Variants in SLC16A12 observed in about 807,000 individuals in gnomAD.
SLC16A12 encodes monocarboxylate transporter 12.
SLC16A12 carries 17 observed loss-of-function variants against 42.4 expected under a neutral mutation model. That is an observed-to-expected ratio of 0.40 (90% CI 0.27 to 0.60). SLC16A12 has a LOEUF of 0.60. Among genes scored for constraint, SLC16A12 ranks in the 20% least tolerant of loss-of-function variants. SLC16A12 has a pLI of 0.42. For missense variants in SLC16A12, 544 were observed against 623.0 expected (o/e 0.87, Z 1.35); for synonymous variants, 224 against 229.4 (o/e 0.98, Z 0.21).
intron 2 of SLC16A12, among the ~76,000 whole-genome samples, chr10:89,505,019 T>C (rs1437662191): frequency 6.6e-6 from 1 of 152,136 alleles, no homozygotes; most frequent in Non-Finnish European, 1.5e-5. Context: ...AACCTCTGAA[T>C]TGATACAGCT....
At chr10:89,440,427 G>A (rs1030571712) in intron 5 of SLC16A12, among the ~76,000 whole-genome samples, 10 of 152,158 alleles carry the variant, frequency 6.6e-5, no homozygotes, top group Middle Eastern at 3.2e-3. Context: ...ATGAGGTTAC[G>A]TCCTTTATTG....
chr10:89,554,789 C>A (rs1287360085), intron 2 of SLC16A12, among the ~76,000 whole-genome samples: 1 of 152,210 alleles, frequency 6.6e-6, no homozygotes, highest in Non-Finnish European at 1.5e-5. Flanking sequence ...CAGGCCCCAG[C>A]TGGCCTACTT....
At chr10:89,554,076 G>A (rs1843789405) in intron 2 of SLC16A12, among the ~76,000 whole-genome samples, 1 of 112,342 alleles carries the variant, frequency 8.9e-6, no homozygotes, top group Non-Finnish European at 1.9e-5. Flanking sequence ...AAGAAAGAAA[G>A]AAAGAAAGAA....
At chr10:89,516,954 G>A (rs192070727) in intron 2 of SLC16A12, among the ~76,000 whole-genome samples, 1 of 152,324 alleles carries the variant, frequency 6.6e-6, no homozygotes, top group Non-Finnish European at 1.5e-5. Context: ...CAGGCATGAT[G>A]GCTCATACCT....
At chr10:89,528,014 C>T (rs985774855) in intron 2 of SLC16A12, among the ~76,000 whole-genome samples, 16 of 152,204 alleles carry the variant, frequency 1.1e-4, no homozygotes, top group Non-Finnish European at 2.2e-4. Context: ...ATCTTTCTTA[C>T]GTAAGAGTCC....
chr10:89,444,114 C>A (rs143076774), intron 3 of SLC16A12, among the ~76,000 whole-genome samples: 1 of 152,110 alleles, frequency 6.6e-6, no homozygotes, highest in Non-Finnish European at 1.5e-5. Context: ...TTTATGGAAA[C>A]AAAAGCAGGT....
In SLC16A12 at chr10:89,462,444, T is replaced by G. The variant is rs1225829251; in HGVS notation, c.135A>C (p.Gly45=). The change falls in exon 3 of 8, where the codon GGA becomes GGC. Residue 45 remains glycine (G), a synonymous_variant. Coordinates refer to ENST00000371790, the MANE Select transcript of SLC16A12 (RefSeq NM_213606.4). ...NRARSTSPPD[G]GWGWMIVAGC... ...CAGCCACAATCATCCAGCCCCAGCC[T>G]CCATCTGGAGGGGAGGTAGACCGAG... 6.2e-7 allele frequency: 1 copy of G among 1,614,064 alleles called. No homozygotes were observed. Among genetic ancestry groups the G allele is most frequent in the Admixed American group, 1.7e-5 (1 of 60,002 alleles).
chr10:89,430,463 T>G lies in SLC16A12; in HGVS notation c.*2601A>C. On this transcript the variant is annotated 3_prime_UTR_variant, in exon 8 of 8. Transcript: ENST00000371790. The stretch of plus-strand genomic sequence containing the variant: ...ATTTTCTACTCAGATAATTCCAAAG[T>G]AGAGCTTACAGTAGTAGAAAGAAAT... 8.4e-6 allele frequency: 3 copies of G among 356,332 alleles called. No homozygotes were observed. The highest frequency in any genetic ancestry group is 1.6e-5 in the Non-Finnish European group (3 of 182,562). 22.1% of individuals were successfully genotyped at this position (356,332 alleles called of 1,614,324 possible). A position where few individuals can be genotyped will look rare whatever the true frequency, so the allele number is the denominator to read the frequency against.
intron 2 of SLC16A12, among the ~76,000 whole-genome samples, chr10:89,495,497 A>G (rs1305405747): frequency 6.6e-6 from 1 of 152,250 alleles, no homozygotes; most frequent in African/African-American, 2.4e-5. Flanking sequence ...CTCAGAAACT[A>G]CAGATGCTCC....
Position 89,555,567 on chromosome 10 carries a change from GTATATGTATATGTA to G in SLC16A12, c.-47+301_-47+314del, listed in dbSNP as rs1293732963. Reference sequence around the variant, plus strand: ...TGTATATACGTATATATACATATACGTATATGTATATGTATATATGTATATATACACATATATAC... The same window carrying G: ...TGTATATACGTATATATACATATACGTATATGTATATATACACATATATAC... On this transcript the variant is annotated intron_variant, in intron 2 of 2. Transcript: ENST00000475682. Among the ~76,000 whole-genome samples the G allele has an allele frequency of 1.5e-4, 14 of 91,762 alleles. No individual in the cohort carries two copies. In the East Asian group the frequency reaches 3.4e-3, roughly 23 times the overall value. 60.2% of individuals were successfully genotyped at this position (91,762 alleles called of 152,430 possible). A position where few individuals can be genotyped will look rare whatever the true frequency, so the allele number is the denominator to read the frequency against.
intron 2 of SLC16A12, among the ~76,000 whole-genome samples, chr10:89,553,688 G>A (rs12765829): frequency 0.095 from 14,378 of 152,104 alleles, 733 homozygotes; most frequent in Non-Finnish European, 0.11. Flanking sequence ...AGATCAGCTT[G>A]GATTGGCCCT....
At chr10:89,436,868 A>AG (rs1554884216) in intron 6 of SLC16A12, among the ~76,000 whole-genome samples, 1 of 120,428 alleles carries the variant, frequency 8.3e-6, no homozygotes, top group African/African-American at 3.3e-5. Context: ...GAAATAAAGA[A>AG]AAAGAAAGAA....
intron 6 of SLC16A12, among the ~76,000 whole-genome samples, chr10:89,436,833 A>G (rs1324220203): frequency 2.1e-5 from 3 of 141,620 alleles, no homozygotes; most frequent in African/African-American, 7.8e-5. Context: ...GAAGGAAGGA[A>G]ATAAGGAGAA....
At chr10:89,442,578 C>G (rs1207854018) in intron 4 of SLC16A12, among the ~76,000 whole-genome samples, 1 of 151,972 alleles carries the variant, frequency 6.6e-6, no homozygotes, top group African/African-American at 2.4e-5. Flanking sequence ...ATAATGTGAC[C>G]CTGAAAATCA....
rs10712043 is a variant in SLC16A12 at position 89,520,720 on chromosome 10, CAAAA to C, written c.-47+13777_-47+13780del. Among the ~76,000 whole-genome samples the C allele has an allele frequency of 3.1e-3, 307 of 100,096 alleles. 1 individual carries two copies. Among genetic ancestry groups the C allele is most frequent in the African/African-American group, 0.011 (265 of 25,040 alleles). The allele number at this position is 100,096 out of a possible 152,430, so 65.7% of individuals were successfully genotyped here. ...GCTGCCATTACTGGGTCACATAGGC[CAAAA>C]AAAAAAAAAAAAAAAAAATGGAACC... On this transcript the variant is annotated intron_variant, in intron 2 of 7. Coordinates refer to ENST00000371790, the MANE Select transcript of SLC16A12 (RefSeq NM_213606.4).
chr10:89,474,356 A>T (rs1445534716), intron 2 of SLC16A12, among the ~76,000 whole-genome samples: 11 of 152,158 alleles, frequency 7.2e-5, no homozygotes. Context: ...ACGCACCCAA[A>T]CACACTGCCT....
chr10:89,458,657 T>C (rs1184230459), intron 3 of SLC16A12, among the ~76,000 whole-genome samples: 1 of 152,226 alleles, frequency 6.6e-6, no homozygotes, highest in African/African-American at 2.4e-5. Context: ...ATAAATTGCC[T>C]TTACTGTTCA....
chr10:89,470,022 A>T (rs1332057646), intron 2 of SLC16A12, among the ~76,000 whole-genome samples: 2 of 152,134 alleles, frequency 1.3e-5, no homozygotes, highest in Non-Finnish European at 2.9e-5. Flanking sequence ...AATATTTTTT[A>T]AGAAATCTTC....
At chr10:89,478,174 G>C (rs950120587) in intron 2 of SLC16A12, among the ~76,000 whole-genome samples, 1 of 152,160 alleles carries the variant, frequency 6.6e-6, no homozygotes, top group Non-Finnish European at 1.5e-5. Context: ...CAGAGGGAGA[G>C]AGCAGTTACT....
Sources: allele counts gnomAD v4.1 joint callset (sites outside exome capture counted in the v4.1 genomes callset), GRCh38; gene constraint gnomAD v4.1.1; transcripts MANE v1.5; gene names NCBI Gene and HGNC (gene_info 2026-07-23, HGNC 2026-07-21).